PRKCH: variants seen among roughly 807,000 people sequenced by gnomAD.
The protein encoded by PRKCH is protein kinase C eta.
PRKCH carries 28 observed loss-of-function variants against 82.5 expected under a neutral mutation model. The ratio of observed to expected loss-of-function variants is 0.34; its 90% CI spans 0.25 to 0.47. The LOEUF (loss-of-function observed/expected upper bound fraction) is 0.47. Ranked by LOEUF, PRKCH falls within the 20% of genes least tolerant of loss-of-function variation. PRKCH has a pLI of 1.00. For missense variants in PRKCH, 705 were observed against 881.8 expected (o/e 0.80, Z 2.54); for synonymous variants, 322 against 327.4 (o/e 0.98, Z 0.18).
intron 1 of PRKCH, among the ~76,000 whole-genome samples, chr14:61,283,081 G>T (rs753346152): frequency 6.6e-6 from 1 of 151,552 alleles, no homozygotes; most frequent in South Asian, 2.1e-4. Flanking sequence ...AGTTGTCCAG[G>T]CTTGTCTCAA....
intron 1 of PRKCH, among the ~76,000 whole-genome samples, chr14:61,310,742 T>A (rs1357949305): frequency 2.0e-5 from 3 of 152,242 alleles, no homozygotes; most frequent in Non-Finnish European, 4.4e-5. Flanking sequence ...CAACCCCACA[T>A]TTGCCTTTGC....
intron 1 of PRKCH, among the ~76,000 whole-genome samples, chr14:61,190,486 T>C (rs2044399805): frequency 6.6e-6 from 1 of 152,166 alleles, no homozygotes; most frequent in Non-Finnish European, 1.5e-5. Flanking sequence ...AAAGCAAAAA[T>C]TCAAGAGAAA....
In PRKCH at chr14:61,280,747, C is replaced by A; in HGVS notation, c.-19+93079C>A. 6.4e-7 allele frequency: 1 copy of A among 1,566,792 alleles called. No individual in the cohort carries two copies. The highest frequency in any genetic ancestry group is 8.6e-7 in the Non-Finnish European group (1 of 1,163,286). ...GTGGCGCAGCGCGCTGGGGAGTCCG[C>A]TCAGCTGCGCGTCGTCGCGGGACAC... is the stretch of plus-strand genomic sequence containing the variant. On this transcript the variant is annotated intron_variant, in intron 1 of 3. Coordinates refer to the PRKCH transcript ENST00000555185. The surrounding 1 kb of genome is among the most constrained non-coding windows in gnomAD (Gnocchi z 5.0).
intron 10 of PRKCH, among the ~76,000 whole-genome samples, chr14:61,514,414 A>C (rs2042792207): frequency 6.6e-6 from 1 of 151,866 alleles, no homozygotes; most frequent in Non-Finnish European, 1.5e-5. Flanking sequence ...TCTTGGAATC[A>C]GTTTGGTTCT....
rs371509109 is a variant in PRKCH at position 61,280,358 on chromosome 14, T to C, written c.-19+92690T>C. 70 of 1,613,828 alleles carry C rather than the reference T, an allele frequency of 4.3e-5. No homozygotes were observed. Among genetic ancestry groups the C allele is most frequent in the Non-Finnish European group, 4.0e-5 (47 of 1,179,936 alleles). On this transcript the variant is annotated intron_variant, in intron 1 of 3. Transcript: ENST00000555185. This position sits in a 1 kb window ranked among gnomAD's most constrained non-coding sequence, Gnocchi z 5.0. ...CCCTGGCGGATGCGCGCGTACAGTT[T>C]GCGGAACGTGGGCAGCGCCGCCGTG...
chr14:61,353,447 G>A (rs962638704), intron 1 of PRKCH: 2 of 152,068 alleles, frequency 1.3e-5, no homozygotes, highest in Non-Finnish European at 2.9e-5. Flanking sequence ...TCAAACTTTT[G>A]TAATGTGATT....
chr14:61,217,673 A>T (rs1647022334), intron 1 of PRKCH, among the ~76,000 whole-genome samples: 2 of 152,054 alleles, frequency 1.3e-5, no homozygotes. Flanking sequence ...AACCTTCCTG[A>T]TGTGTACCAG....
At chr14:61,437,299 C>T in intron 2 of PRKCH, among the ~76,000 whole-genome samples, 1 of 152,124 alleles carries the variant, frequency 6.6e-6, no homozygotes, top group East Asian at 1.9e-4. Context: ...TGATGTTAAG[C>T]AAAATTCTGT....
chr14:61,235,273 C>G (rs1207165811), intron 1 of PRKCH, among the ~76,000 whole-genome samples: 1 of 152,194 alleles, frequency 6.6e-6, no homozygotes, highest in African/African-American at 2.4e-5. Flanking sequence ...AGGCTTTTAG[C>G]CCTGTTCAAT....
intron 1 of PRKCH, among the ~76,000 whole-genome samples, chr14:61,358,271 A>G (rs2046177946): frequency 6.6e-6 from 1 of 152,214 alleles, no homozygotes; most frequent in Admixed American, 6.5e-5. Flanking sequence ...CTGGCTCAGA[A>G]TAAGACTGGA....
chr14:61,263,352 T>A (rs1363149251), intron 1 of PRKCH, among the ~76,000 whole-genome samples: 1 of 152,250 alleles, frequency 6.6e-6, no homozygotes, highest in Non-Finnish European at 1.5e-5. Flanking sequence ...TGGAGATTTA[T>A]TTTTTCCTTT....
At chr14:61,271,124 T>C (rs975774028) in intron 1 of PRKCH, among the ~76,000 whole-genome samples, 5 of 152,190 alleles carry the variant, frequency 3.3e-5, no homozygotes, top group Non-Finnish European at 7.3e-5. Context: ...TAAGGAATAA[T>C]AGCAAGATGG....
intron 1 of PRKCH, among the ~76,000 whole-genome samples, chr14:61,229,909 C>T (rs1239744225): frequency 2.0e-5 from 3 of 152,184 alleles, no homozygotes; most frequent in Non-Finnish European, 4.4e-5. Context: ...AACATTCCAA[C>T]CCCCTCTGCT....
At chr14:61,409,554 A>G (rs1882151207) in intron 2 of PRKCH, among the ~76,000 whole-genome samples, 1 of 151,830 alleles carries the variant, frequency 6.6e-6, no homozygotes. Flanking sequence ...AGAAAAAAAA[A>G]TCCAGGCATG....
Position 61,280,941 on chromosome 14 carries a change from G to A in PRKCH, c.-19+93273G>A, listed in dbSNP as rs1174090428. On this transcript the variant is annotated intron_variant, in intron 1 of 3. Coordinates refer to the PRKCH transcript ENST00000555185. This position sits in a 1 kb window ranked among gnomAD's most constrained non-coding sequence, Gnocchi z 5.0. ...CCGAGCAGTTACCGGTGCCCGGGTCGCCTGTATAGTCGTACTCCAGCTCCT... is the reference window on the plus strand; with the variant it reads ...CCGAGCAGTTACCGGTGCCCGGGTCACCTGTATAGTCGTACTCCAGCTCCT... The A allele has an allele frequency of 6.5e-7, 1 of 1,538,912 alleles. No individual in the cohort carries two copies. The highest frequency in any genetic ancestry group is 8.7e-7 in the Non-Finnish European group (1 of 1,146,300).
At chr14:61,225,901 G>A (rs1002203271) in intron 1 of PRKCH, among the ~76,000 whole-genome samples, 6 of 152,010 alleles carry the variant, frequency 3.9e-5, no homozygotes, top group African/African-American at 1.2e-4. Context: ...ACCAACACTC[G>A]GCTAATTTTT....
At chr14:61,413,288 C>T (rs1214268904) in intron 2 of PRKCH, among the ~76,000 whole-genome samples, 5 of 151,914 alleles carry the variant, frequency 3.3e-5, no homozygotes, top group African/African-American at 1.2e-4. Flanking sequence ...TCCCTTTGGG[C>T]ACCTCAAACG....
intron 10 of PRKCH, among the ~76,000 whole-genome samples, chr14:61,516,290 C>T (rs1437783378): frequency 6.6e-6 from 1 of 152,188 alleles, no homozygotes; most frequent in Non-Finnish European, 1.5e-5. Flanking sequence ...ATTAGTCCAG[C>T]ATTTAGGCAA....
chr14:61,429,439 T>C (rs1883282167), intron 2 of PRKCH, among the ~76,000 whole-genome samples: 1 of 152,262 alleles, frequency 6.6e-6, no homozygotes, highest in Non-Finnish European at 1.5e-5. Flanking sequence ...CTGTTTTTTG[T>C]CTTTGTGATC....
Sources: allele counts gnomAD v4.1 joint callset (sites outside exome capture counted in the v4.1 genomes callset), GRCh38; gene constraint gnomAD v4.1.1; non-coding constraint Gnocchi (gnomAD v3.1); transcripts MANE v1.5; gene names NCBI Gene and HGNC (gene_info 2026-07-23, HGNC 2026-07-21).